ATRNL1: variants seen among roughly 807,000 people sequenced by gnomAD.
ATRNL1 encodes attractin-like protein 1.
In ATRNL1, 95 loss-of-function variants were observed where a neutral mutation model predicts 182.7. That is an observed-to-expected ratio of 0.52 (90% CI 0.44 to 0.62). The LOEUF (loss-of-function observed/expected upper bound fraction) is 0.62, where lower values mean the gene tolerates loss of function less well. Among genes scored for constraint, ATRNL1 ranks in the 20% least tolerant of loss-of-function variants. ATRNL1 has a pLI of 0.00. For missense variants in ATRNL1, 1,471 were observed against 1,679.5 expected (o/e 0.88, Z 2.17); for synonymous variants, 576 against 568.3 (o/e 1.01, Z -0.19).
intron 26 of ATRNL1, among the ~76,000 whole-genome samples, chr10:115,689,938 T>C (rs1342520529): frequency 6.6e-6 from 1 of 152,118 alleles, no homozygotes; most frequent in Non-Finnish European, 1.5e-5. Context: ...GCAGCAGCAA[T>C]GGCTGTACTT....
intron 6 of ATRNL1, among the ~76,000 whole-genome samples, chr10:115,162,044 T>A (rs1258509721): frequency 1.3e-5 from 2 of 152,030 alleles, no homozygotes; most frequent in Non-Finnish European, 2.9e-5. Flanking sequence ...TTCATGAGGA[T>A]AGCAAACTTT....
chr10:115,868,010 TGCCTCA>T (rs1555105154), intron 28 of ATRNL1, among the ~76,000 whole-genome samples: 4 of 152,134 alleles, frequency 2.6e-5, no homozygotes, highest in Admixed American at 1.3e-4. Context: ...GCTATCCATC[TGCCTCA>T]GCCTCCCAAA....
chr10:115,302,311 T>C (rs1266637313), intron 17 of ATRNL1, among the ~76,000 whole-genome samples: 1 of 152,194 alleles, frequency 6.6e-6, no homozygotes, highest in Non-Finnish European at 1.5e-5. Context: ...TTGCAGACAG[T>C]ATAACACTTC....
intron 26 of ATRNL1, among the ~76,000 whole-genome samples, chr10:115,664,830 ACTGTAATTT>A (rs577681118): frequency 6.6e-6 from 1 of 152,200 alleles, no homozygotes; most frequent in South Asian, 2.1e-4. Context: ...AATTTACCTA[ACTGTAATTT>A]TATCCAGCGG....
chr10:115,861,022 A>G (rs1416086419), intron 28 of ATRNL1, among the ~76,000 whole-genome samples: 1 of 152,064 alleles, frequency 6.6e-6, no homozygotes, highest in Non-Finnish European at 1.5e-5. Context: ...CTTCCCAAAT[A>G]TTATTGATTC....
chr10:115,218,305 T>A (rs782512472), intron 9 of ATRNL1, among the ~76,000 whole-genome samples: 1 of 152,148 alleles, frequency 6.6e-6, no homozygotes, highest in Non-Finnish European at 1.5e-5. Context: ...GACAGGATGC[T>A]GGAAATAGAA....
chr10:115,688,617 T>G (rs1242379246), intron 26 of ATRNL1, among the ~76,000 whole-genome samples: 1 of 152,186 alleles, frequency 6.6e-6, no homozygotes, highest in Non-Finnish European at 1.5e-5. Flanking sequence ...TGTCTTCTTT[T>G]GAGAAACAAC....
At chr10:115,719,014 T>C (rs1435230383) in intron 26 of ATRNL1, among the ~76,000 whole-genome samples, 1 of 152,286 alleles carries the variant, frequency 6.6e-6, no homozygotes, top group African/African-American at 2.4e-5. Context: ...AATTAATTAT[T>C]ACAGGCAAAT....
At chr10:115,817,876 T>TG (rs1417712251) in intron 27 of ATRNL1, among the ~76,000 whole-genome samples, 4 of 24,514 alleles carry the variant, frequency 1.6e-4, no homozygotes, top group African/African-American at 4.2e-4. Context: ...TTTTACGTTG[T>TG]GTTTTTTTTT....
chr10:115,477,080 GTT>G (rs1751597615), intron 24 of ATRNL1, among the ~76,000 whole-genome samples: 1 of 151,384 alleles, frequency 6.6e-6, no homozygotes, highest in East Asian at 1.9e-4. Context: ...TCTTAAAAAA[GTT>G]TTAACATGCA....
intron 26 of ATRNL1, among the ~76,000 whole-genome samples, chr10:115,612,007 C>G (rs1555019136): frequency 6.6e-6 from 1 of 152,030 alleles, no homozygotes; most frequent in Non-Finnish European, 1.5e-5. Flanking sequence ...TTCCAGCACG[C>G]TGGGAGGCCG....
chr10:115,361,744 A>G (rs1856758404), intron 19 of ATRNL1, among the ~76,000 whole-genome samples: 1 of 152,046 alleles, frequency 6.6e-6, no homozygotes, highest in South Asian at 2.1e-4. Context: ...GTGGTATACA[A>G]TGTTGGACTG....
intron 8 of ATRNL1, among the ~76,000 whole-genome samples, chr10:115,178,941 T>C (rs1554887336): frequency 6.6e-6 from 1 of 152,122 alleles, no homozygotes. Flanking sequence ...AAAAAATTTA[T>C]ATTCTTTTTC....
intron 18 of ATRNL1, among the ~76,000 whole-genome samples, chr10:115,319,667 T>C (rs974566224): frequency 6.6e-6 from 1 of 152,148 alleles, no homozygotes; most frequent in South Asian, 2.1e-4. Flanking sequence ...TTTAAATCTT[T>C]GTTGGTTTAA....
At chr10:115,445,732 T>TC (rs1482331568) in intron 21 of ATRNL1, among the ~76,000 whole-genome samples, 1 of 152,082 alleles carries the variant, frequency 6.6e-6, no homozygotes, top group Non-Finnish European at 1.5e-5. Flanking sequence ...TTTTTATCGC[T>TC]CCAGAAAGAA....
chr10:115,208,126 T>C (rs1239123513), intron 8 of ATRNL1, among the ~76,000 whole-genome samples: 5 of 152,066 alleles, frequency 3.3e-5, no homozygotes, highest in African/African-American at 9.7e-5. Context: ...GTATTTTTCA[T>C]TTGAGGCATT....
chr10:115,284,046 G>C (rs1852495002), intron 14 of ATRNL1, among the ~76,000 whole-genome samples: 1 of 152,144 alleles, frequency 6.6e-6, no homozygotes, highest in African/African-American at 2.4e-5. Context: ...TAGAGCAGTT[G>C]TACAATTCCA....
intron 19 of ATRNL1, among the ~76,000 whole-genome samples, chr10:115,359,652 T>G (rs1393625673): frequency 6.6e-6 from 1 of 151,494 alleles, no homozygotes; most frequent in African/African-American, 2.4e-5. Context: ...ATATATAAAT[T>G]TTTTCATTGA....
chr10:115,233,841 A>C (rs1850062842), intron 9 of ATRNL1, among the ~76,000 whole-genome samples: 1 of 152,106 alleles, frequency 6.6e-6, no homozygotes, highest in Non-Finnish European at 1.5e-5. Flanking sequence ...GGGTTAAATC[A>C]AACTTAGTCA....
Sources: allele counts gnomAD v4.1 joint callset (sites outside exome capture counted in the v4.1 genomes callset), GRCh38; gene constraint gnomAD v4.1.1; transcripts MANE v1.5; gene names NCBI Gene and HGNC (gene_info 2026-07-23, HGNC 2026-07-21).